TRERF1: variants seen among roughly 807,000 people sequenced by gnomAD.
The protein encoded by TRERF1 is transcriptional-regulating factor 1.
Under a neutral mutation model 122.9 loss-of-function variants are expected in TRERF1, and 27 were observed. The observed-to-expected ratio is 0.22, with a 90% CI of 0.16 to 0.30. TRERF1 has a LOEUF of 0.30. Ranked by LOEUF, TRERF1 falls within the 10% of genes least tolerant of loss-of-function variation. The probability of loss-of-function intolerance (pLI) is 1.00; values close to 1 mark genes in which losing one functional copy is unlikely to be tolerated. For missense variants in TRERF1, 1,248 were observed against 1,560.3 expected (o/e 0.80, Z 3.37); for synonymous variants, 636 against 641.7 (o/e 0.99, Z 0.13).
At chr6:42,317,595 G>C (rs1276998822) in intron 3 of TRERF1, among the ~76,000 whole-genome samples, 1 of 152,014 alleles carries the variant, frequency 6.6e-6, no homozygotes, top group African/African-American at 2.4e-5. Context: ...GCTCAAGCAA[G>C]CCTCCCGCCT....
intron 3 of TRERF1, among the ~76,000 whole-genome samples, chr6:42,362,772 G>A (rs1291785765): frequency 2.6e-5 from 4 of 152,136 alleles, no homozygotes; most frequent in Non-Finnish European, 5.9e-5. Flanking sequence ...GCAAAATCAA[G>A]AGACACCCTC....
In TRERF1 at chr6:42,234,039, G is replaced by A. The variant is rs58664608; in HGVS notation, c.3067-1147C>T. ...GATAATTCTTTGTTGTGATGGGTGG[G>A]GGGCTCTGTTGTATAGGATGTTTAG... On this transcript the variant is annotated intron_variant, in intron 16 of 17. Transcript: ENST00000372922. Among the ~76,000 whole-genome samples, 1,154 of 152,078 alleles carry A rather than the reference G, an allele frequency of 7.6e-3. 14 individuals carry two copies. Among genetic ancestry groups the A allele is most frequent in the African/African-American group, 0.026 (1,076 of 41,482 alleles).
At chr6:42,267,587 G>A (rs190154224) in intron 5 of TRERF1, among the ~76,000 whole-genome samples, 1 of 152,170 alleles carries the variant, frequency 6.6e-6, no homozygotes, top group East Asian at 1.9e-4. Context: ...AGCCGAGATG[G>A]CGCCATTGCA....
At chr6:42,386,437 T>C (rs901196358) in intron 2 of TRERF1, among the ~76,000 whole-genome samples, 6 of 151,776 alleles carry the variant, frequency 4.0e-5, no homozygotes, top group Admixed American at 6.6e-5. Flanking sequence ...AGCGAGACCC[T>C]GTTTCAAAAA....
chr6:42,251,678 T>C (rs775344424), intron 13 of TRERF1, among the ~76,000 whole-genome samples: 1 of 152,202 alleles, frequency 6.6e-6, no homozygotes, highest in Non-Finnish European at 1.5e-5. Context: ...AATTACTCTC[T>C]TGAGTACGTA....
At chr6:42,426,382 AC>A (rs553808621) in intron 2 of TRERF1, among the ~76,000 whole-genome samples, 6 of 152,280 alleles carry the variant, frequency 3.9e-5, no homozygotes, top group African/African-American at 7.2e-5. Context: ...TAAACACAGT[AC>A]CCCCACACAG....
At chr6:42,253,217 T>C (rs1173909962) in intron 13 of TRERF1, among the ~76,000 whole-genome samples, 1 of 152,210 alleles carries the variant, frequency 6.6e-6, no homozygotes, top group Non-Finnish European at 1.5e-5. Flanking sequence ...TTTGGTACAC[T>C]TGGAAGAACC....
At chr6:42,282,839 G>A (rs1414283008) in intron 4 of TRERF1, among the ~76,000 whole-genome samples, 1 of 152,160 alleles carries the variant, frequency 6.6e-6, no homozygotes, top group African/African-American at 2.4e-5. Flanking sequence ...GAGAAATACA[G>A]GGTTAGGTTC....
Position 42,269,453 on chromosome 6 carries a change from A to G in TRERF1, c.138T>C (p.Asp46=). Residue 46 remains aspartate (D), a synonymous_variant, in exon 5 of 18, where the codon GAT becomes GAC. Transcript: ENST00000372922. The surrounding 1 kb of genome is among the most constrained non-coding windows in gnomAD (Gnocchi z 4.9). ...GGGAGATTGGCGAGGCCTGAGGGGCATCCATTCCGCCCCCTGTAACTGCAT... is the reference window on the plus strand; with the variant it reads ...GGGAGATTGGCGAGGCCTGAGGGGCGTCCATTCCGCCCCCTGTAACTGCAT... 2 of 1,614,192 alleles carry G rather than the reference A, an allele frequency of 1.2e-6. No homozygotes were observed. Among genetic ancestry groups the G allele is most frequent in the Non-Finnish European group, 1.7e-6 (2 of 1,180,036 alleles).
At chr6:42,400,658 G>A (rs1296351955) in intron 2 of TRERF1, among the ~76,000 whole-genome samples, 3 of 152,172 alleles carry the variant, frequency 2.0e-5, no homozygotes, top group Non-Finnish European at 2.9e-5. Context: ...CTCCACTCTA[G>A]GACAATCACC....
Position 42,269,057 on chromosome 6 carries a change from G to C in TRERF1, c.534C>G (p.Asp178Glu). ...GAGACAGCAGCTGGCGGAGAGCACTGTCAGGGGCTCCATCCATCACTGCTG... is the reference window on the plus strand; with the variant it reads ...GAGACAGCAGCTGGCGGAGAGCACTCTCAGGGGCTCCATCCATCACTGCTG... Residue 178 changes from aspartate to glutamate, a missense_variant, in exon 5 of 18, where the codon GAC becomes GAG. Physicochemically the swap from Asp to Glu is conservative, Grantham distance 45 (BLOSUM62 2). This residue lies in a region of TRERF1 where 946 missense variants were observed against 1,073.0 expected (regional missense o/e 0.88). Coordinates refer to ENST00000372922, the Ensembl canonical transcript of TRERF1. This position sits in a 1 kb window ranked among gnomAD's most constrained non-coding sequence, Gnocchi z 4.9. 6.2e-7 allele frequency: 1 copy of C among 1,614,200 alleles called. No individual in the cohort carries two copies. Among genetic ancestry groups the C allele is most frequent in the Non-Finnish European group, 8.5e-7 (1 of 1,180,032 alleles).
chr6:42,229,946 G>C (rs922375469), intron 17 of TRERF1, among the ~76,000 whole-genome samples: 3 of 152,186 alleles, frequency 2.0e-5, no homozygotes, highest in African/African-American at 7.2e-5. Context: ...GCACAGCTGA[G>C]CAGTTATGAT....
rs1200197748 is a variant in TRERF1, at chr6:42,268,426, G to T, written c.1165C>A (p.Pro389Thr). The stretch of plus-strand genomic sequence containing the variant: ...GACAGGTGGCTCTGCTGGTAGAGGG[G>T]GTGGCTGTAGGGCTGCTGGGGCTCC... Residue 389 changes from proline (P) to threonine (T), a missense_variant, in exon 5 of 18, where the codon CCC becomes ACC. By Grantham distance (38) the Pro-to-Thr change is conservative. Coordinates refer to ENST00000372922, the Ensembl canonical transcript of TRERF1. The surrounding 1 kb of genome is among the most constrained non-coding windows in gnomAD (Gnocchi z 4.4). 6.4e-7 allele frequency: 1 copy of T among 1,565,980 alleles called. No homozygotes were observed. The highest frequency in any genetic ancestry group is 1.2e-5 in the South Asian group (1 of 81,824).
At chr6:42,441,283 C>A (rs1250541273) in intron 2 of TRERF1, among the ~76,000 whole-genome samples, 1 of 152,156 alleles carries the variant, frequency 6.6e-6, no homozygotes, top group African/African-American at 2.4e-5. Flanking sequence ...TCTTCAAGGA[C>A]ACATCACCCC....
At chr6:42,417,764 AG>A (rs1782048460) in intron 2 of TRERF1, among the ~76,000 whole-genome samples, 1 of 152,200 alleles carries the variant, frequency 6.6e-6, no homozygotes, top group Non-Finnish European at 1.5e-5. Context: ...TGTGGGCTCC[AG>A]GGAGTAACAG....
At chr6:42,296,038 G>A (rs1183579578) in intron 4 of TRERF1, among the ~76,000 whole-genome samples, 1 of 152,114 alleles carries the variant, frequency 6.6e-6, no homozygotes, top group Admixed American at 6.5e-5. Context: ...TGTCCTCAGA[G>A]CAGTAATGCC....
At chr6:42,436,817 AT>A (rs568173083) in intron 2 of TRERF1, among the ~76,000 whole-genome samples, 3,698 of 75,256 alleles carry the variant, frequency 0.049, 51 homozygotes, top group Middle Eastern at 0.074. Context: ...AAAAAAAAAT[AT>A]ATATATATAT....
chr6:42,268,178 C>G lies in TRERF1; in HGVS notation c.1413G>C (p.Leu471=). ...CCTGGGGCCACATGGCACTGGGAGA[C>G]AGCTGCTGATGCTGAGGCCCCATGT... The change falls in exon 5 of 18, where the codon CTG becomes CTC. Residue 471 remains leucine, a synonymous_variant. Transcript: ENST00000372922. The surrounding 1 kb of genome is among the most constrained non-coding windows in gnomAD (Gnocchi z 4.4). 28 of 1,461,158 alleles carry G rather than the reference C, an allele frequency of 1.9e-5. No homozygotes were observed. Among genetic ancestry groups the G allele is most frequent in the Non-Finnish European group, 2.4e-5 (27 of 1,105,296 alleles). 90.5% of individuals were successfully genotyped at this position (1,461,158 alleles called of 1,614,324 possible).
chr6:42,238,834 TTC>T (rs1491507771), intron 15 of TRERF1, among the ~76,000 whole-genome samples: 183 of 69,564 alleles, frequency 2.6e-3, no homozygotes, highest in African/African-American at 7.6e-3. Flanking sequence ...AATCATGCAT[TTC>T]ACACACACAC....
Sources: allele counts gnomAD v4.1 joint callset (sites outside exome capture counted in the v4.1 genomes callset), GRCh38; gene constraint gnomAD v4.1.1; regional missense constraint gnomAD v4.1.1; non-coding constraint Gnocchi (gnomAD v3.1); transcripts MANE v1.5; gene names NCBI Gene and HGNC (gene_info 2026-07-23, HGNC 2026-07-21).